Variants in GXYLT1 observed in about 807,000 individuals in gnomAD.
GXYLT1 encodes the protein glycosyltransferase 8 domain containing 3.
A neutral mutation model predicts 54.0 loss-of-function variants in GXYLT1; 29 were observed. The observed-to-expected ratio is 0.54, with a 90% confidence interval of 0.40 to 0.73. The LOEUF (loss-of-function observed/expected upper bound fraction) is 0.73. Ranked by LOEUF, GXYLT1 falls within the 30% of genes least tolerant of loss-of-function variation. The pLI, the probability that GXYLT1 is intolerant of heterozygous loss-of-function variation, is 0.00. For missense variants in GXYLT1, 490 were observed against 553.4 expected, an observed-to-expected ratio of 0.89 and a Z score of 1.15; for synonymous variants, 176 against 204.1, an observed-to-expected ratio of 0.86 and a Z score of 1.17.
At chr12:42,099,489 ATTTC>A (rs1402256959) in intron 5 of GXYLT1, among the ~76,000 whole-genome samples, 2 of 152,158 alleles carry the variant, frequency 1.3e-5, no homozygotes, top group Non-Finnish European at 2.9e-5. Context: ...TTTTATACCT[ATTTC>A]TTTCATTTGT....
intron 2 of GXYLT1, among the ~76,000 whole-genome samples, chr12:42,124,387 A>G (rs1256895261): frequency 6.6e-6 from 1 of 152,104 alleles, no homozygotes; most frequent in African/African-American, 2.4e-5. Context: ...TAAAATAAAA[A>G]AACAAATTAG....
rs558243674 is a variant in GXYLT1, at chr12:42,113,304, G to C, written c.487-3613C>G. On this transcript the variant is annotated intron_variant, in intron 3 of 7. Coordinates refer to ENST00000398675, the MANE Select transcript of GXYLT1 (RefSeq NM_173601.2). ...CAATATTAACCTTAAATGTAAATGG[G>C]CTAAATGCTCCAATTAAAAGACACA... Among the ~76,000 whole-genome samples the C allele has an allele frequency of 2.7e-4, 41 of 151,210 alleles. 1 individual carries two copies. The highest frequency in any genetic ancestry group is 9.2e-4 in the Admixed American group (14 of 15,250).
Position 42,085,538 on chromosome 12 carries a change from G to T in GXYLT1, c.*2248C>A, listed in dbSNP as rs114381897. The T allele has an allele frequency of 1.3e-5, 2 of 152,220 alleles. No homozygotes were observed. The highest frequency in any genetic ancestry group is 6.5e-5 in the Admixed American group (1 of 15,292). 9.4% of individuals were successfully genotyped at this position (152,220 alleles called of 1,614,324 possible). ...AAATCACATTTATAATCCACCAAAC[G>T]TGCCAAGAATTGTGGTATCCTAACT... On this transcript the variant is annotated 3_prime_UTR_variant, in exon 8 of 8. Coordinates refer to ENST00000398675, the MANE Select transcript of GXYLT1 (RefSeq NM_173601.2).
chr12:42,106,200 C>T, intron 4 of GXYLT1, 131 bp from the exon 5 acceptor site: 1 of 601,140 alleles, frequency 1.7e-6, no homozygotes, highest in Non-Finnish European at 2.8e-6. Context: ...GGTAATCTTT[C>T]CTAAATCTGT....
chr12:42,142,030 TA>T (rs1343852258), intron 1 of GXYLT1, among the ~76,000 whole-genome samples: 3 of 152,232 alleles, frequency 2.0e-5, no homozygotes, highest in South Asian at 4.1e-4. Context: ...GTGTTTAAAA[TA>T]AAAAGAGAGA....
chr12:42,093,425 T>A (rs2065339460), intron 7 of GXYLT1, among the ~76,000 whole-genome samples: 1 of 152,124 alleles, frequency 6.6e-6, no homozygotes, highest in African/African-American at 2.4e-5. Context: ...AGTTTTTAAC[T>A]TTTTAATGGA....
chr12:42,107,524 C>G (rs1427994813), intron 4 of GXYLT1, among the ~76,000 whole-genome samples: 1 of 152,114 alleles, frequency 6.6e-6, no homozygotes, highest in Non-Finnish European at 1.5e-5. Context: ...AACGCTGTCT[C>G]TACTAAAAAT....
intron 7 of GXYLT1, among the ~76,000 whole-genome samples, chr12:42,091,568 A>G (rs1335074028): frequency 1.3e-5 from 2 of 152,204 alleles, no homozygotes; most frequent in African/African-American, 4.8e-5. Flanking sequence ...AAAATACAGT[A>G]TTAATTTCTG....
At position 42,082,313 on chromosome 12, in the gene GXYLT1, A is replaced by G. The variant is rs1275552959; in HGVS notation, c.*5473T>C. On this transcript the variant is annotated 3_prime_UTR_variant, in exon 8 of 8. Coordinates refer to ENST00000398675, the MANE Select transcript of GXYLT1 (RefSeq NM_173601.2). ...TTGGTTCAGCTCTCAAATACTGATG[A>G]CAATGCATGTGATGCATGCGTGCTC... 1 of 152,246 alleles carries G rather than the reference A, an allele frequency of 6.6e-6. No homozygotes were observed. Among genetic ancestry groups the G allele is most frequent in the Non-Finnish European group, 1.5e-5 (1 of 68,050 alleles). 9.4% of individuals were successfully genotyped at this position (152,246 alleles called of 1,614,324 possible). A position where few individuals can be genotyped will look rare whatever the true frequency, so the allele number is the denominator to read the frequency against.
chr12:42,097,821 G>A lies in GXYLT1; in HGVS notation c.988+89C>T, dbSNP rs892954245. ...TAAATAGCAATAATCATTAATATAAGACAGAATCAGATAAGTGCATGTTTT... is the reference window on the plus strand; with the variant it reads ...TAAATAGCAATAATCATTAATATAAAACAGAATCAGATAAGTGCATGTTTT... On this transcript the variant is annotated intron_variant, in intron 6 of 7. Coordinates refer to ENST00000398675, the MANE Select transcript of GXYLT1 (RefSeq NM_173601.2). 5 of 1,095,638 alleles carry A rather than the reference G, an allele frequency of 4.6e-6. No individual in the cohort carries two copies. In the East Asian group the frequency reaches 1.2e-4, roughly 27 times the overall value. The allele number at this position is 1,095,638 out of a possible 1,614,324, so 67.9% of individuals were successfully genotyped here.
intron 7 of GXYLT1, among the ~76,000 whole-genome samples, chr12:42,093,655 T>C (rs2065340580): frequency 6.6e-6 from 1 of 152,148 alleles, no homozygotes. Flanking sequence ...TCTGAAATCT[T>C]CTGGTTAAAG....
At chr12:42,092,435 T>C (rs2065334144) in intron 7 of GXYLT1, among the ~76,000 whole-genome samples, 1 of 152,050 alleles carries the variant, frequency 6.6e-6, no homozygotes, top group Non-Finnish European at 1.5e-5. Flanking sequence ...ACAGCATAAA[T>C]CCAAACCTCC....
chr12:42,086,872 C>T lies in GXYLT1; in HGVS notation c.*914G>A, dbSNP rs2065296827. 6.6e-6 allele frequency: 1 copy of T among 152,154 alleles called. No individual in the cohort carries two copies. Among genetic ancestry groups the T allele is most frequent in the Non-Finnish European group, 1.5e-5 (1 of 68,024 alleles). 9.4% of individuals were successfully genotyped at this position (152,154 alleles called of 1,614,324 possible). On this transcript the variant is annotated 3_prime_UTR_variant, in exon 8 of 8. Coordinates refer to ENST00000398675, the MANE Select transcript of GXYLT1 (RefSeq NM_173601.2). ...CCATTGTAACTAAAATTACTACTCA[C>T]AGGAAGTATATAGCTTATGCATTTT...
At chr12:42,100,914 A>T (rs568336503) in intron 5 of GXYLT1, among the ~76,000 whole-genome samples, 109 of 152,078 alleles carry the variant, frequency 7.2e-4, no homozygotes, top group Non-Finnish European at 1.3e-3. Context: ...TACATATTTA[A>T]ATTATAAAAA....
chr12:42,087,848 A>G lies in GXYLT1; in HGVS notation c.1261T>C (p.Phe421Leu), dbSNP rs2065305433. ...ACACTTTTTGCTAGTTGTTTGATAA[A>G]TATTTTGTAAATTTTTCCACAGTAT... Reference protein sequence around the residue: ...HTYCGKIYKIFIKQLAKSVRD... With the variant: ...HTYCGKIYKILIKQLAKSVRD... The change falls in exon 8 of 8, where the codon TTT becomes CTT. Residue 421 changes from phenylalanine to leucine, a missense_variant. By Grantham distance (22) the Phe-to-Leu change is conservative. Around this residue, in one of 2 missense-constraint regions of GXYLT1, gnomAD observed 342 missense variants for 342.6 expected, o/e 1.00. Coordinates refer to ENST00000398675, the MANE Select transcript of GXYLT1 (RefSeq NM_173601.2). 2 of 1,607,252 alleles carry G rather than the reference A, an allele frequency of 1.2e-6. No individual in the cohort carries two copies. Among genetic ancestry groups the G allele is most frequent in the Non-Finnish European group, 1.7e-6 (2 of 1,176,630 alleles).
rs1296369657 is a variant in GXYLT1 at position 42,101,564 on chromosome 12, G to T, written c.865-3531C>A. ...TAAATGCTAATGCACACCTATGCTT[G>T]TTTCAAAATACTTTTTTTTTTTTTT... On this transcript the variant is annotated intron_variant, in intron 5 of 7. Coordinates refer to ENST00000398675, the MANE Select transcript of GXYLT1 (RefSeq NM_173601.2). Among the ~76,000 whole-genome samples the T allele has an allele frequency of 3.3e-5, 5 of 150,378 alleles. No individual in the cohort carries two copies. The East Asian group carries it at 9.7e-4, about 29-fold the overall frequency.
intron 2 of GXYLT1, 46 bp downstream of exon 2, chr12:42,129,713 C>A (rs747962674): frequency 8.6e-7 from 1 of 1,169,086 alleles, no homozygotes; most frequent in Non-Finnish European, 1.3e-6. Context: ...TATCAACTAT[C>A]TAACCTTATC....
At chr12:42,144,208 G>C (rs1333089474) in intron 1 of GXYLT1, among the ~76,000 whole-genome samples, 1 of 152,184 alleles carries the variant, frequency 6.6e-6, no homozygotes, top group Non-Finnish European at 1.5e-5. Context: ...CGCATGACTG[G>C]GTCAAAAGAT....
At chr12:42,096,713 A>G (rs1479661561) in intron 7 of GXYLT1, among the ~76,000 whole-genome samples, 1 of 152,190 alleles carries the variant, frequency 6.6e-6, no homozygotes, top group African/African-American at 2.4e-5. Flanking sequence ...AATTTTAATG[A>G]GAAGCAGAAT....
Sources: gnomAD v4.1 joint callset for allele counts (sites outside exome capture counted in the v4.1 genomes callset) on GRCh38, gnomAD v4.1.1 for gene constraint, gnomAD v4.1.1 regional missense constraint, MANE v1.5 for transcripts, NCBI Gene and HGNC (gene_info 2026-07-23, HGNC 2026-07-21) for gene names.